PTPRN2: variants seen among roughly 807,000 people sequenced by gnomAD.
The protein encoded by PTPRN2 is protein tyrosine phosphatase receptor type N2.
PTPRN2 carries 74 observed loss-of-function variants against 118.8 expected under a neutral mutation model. The observed-to-expected ratio is 0.62, with a 90% CI of 0.52 to 0.76. The LOEUF (loss-of-function observed/expected upper bound fraction) is 0.76, where lower values mean the gene tolerates loss of function less well. PTPRN2 is among the 30% of genes least tolerant of loss of function. The pLI, the probability that PTPRN2 is intolerant of heterozygous loss-of-function variation, is 0.00. For synonymous variants in PTPRN2, 641 were observed against 608.0 expected, an observed-to-expected ratio of 1.05 and a Z score of -0.80; for missense variants, 1,481 against 1,394.4, an observed-to-expected ratio of 1.06 and a Z score of -0.99.
chr7:157,653,587 C>T (rs1301995879), intron 14 of PTPRN2, among the ~76,000 whole-genome samples: 1 of 152,128 alleles, frequency 6.6e-6, no homozygotes, highest in Non-Finnish European at 1.5e-5. Flanking sequence ...AAGAGGTCTA[C>T]CTGGAGCTCA....
chr7:157,883,374 A>T (rs935062282), intron 12 of PTPRN2, among the ~76,000 whole-genome samples: 1 of 149,368 alleles, frequency 6.7e-6, no homozygotes, highest in African/African-American at 2.5e-5. Flanking sequence ...CCCAAAAATG[A>T]CTGTTGGAGA....
At chr7:157,772,444 G>T (rs925701586) in intron 12 of PTPRN2, among the ~76,000 whole-genome samples, 1 of 152,170 alleles carries the variant, frequency 6.6e-6, no homozygotes, top group Non-Finnish European at 1.5e-5. Context: ...GCCCTGGCCC[G>T]CAGACCATGG....
chr7:157,579,386 C>G (rs1042067416), intron 17 of PTPRN2, among the ~76,000 whole-genome samples: 14 of 152,192 alleles, frequency 9.2e-5, no homozygotes, highest in Admixed American at 7.9e-4. Context: ...ATGTTTCTTA[C>G]GCCAGGCTTT....
chr7:158,189,551 G>A (rs918357257), intron 5 of PTPRN2, among the ~76,000 whole-genome samples: 1 of 152,184 alleles, frequency 6.6e-6, no homozygotes, highest in Non-Finnish European at 1.5e-5. Flanking sequence ...AGGTGAGCAC[G>A]CCACTGTCAA....
Position 157,576,601 on chromosome 7 carries a change from C to T in PTPRN2, c.2783+12G>A, listed in dbSNP as rs114668941. The T allele has an allele frequency of 1.4e-3, 2,200 of 1,600,622 alleles. 19 individuals are homozygous for T. In the African/African-American group the frequency reaches 0.026, roughly 19 times the overall value. On this transcript the variant is annotated intron_variant, in intron 19 of 22. Coordinates refer to ENST00000389418, the MANE Select transcript of PTPRN2 (RefSeq NM_002847.5). ...AGCGCGCACTGCCCTGCCGGCGGGC[C>T]GCGCGTCATACCTGCGGAAGTCCAG...
intron 2 of PTPRN2, among the ~76,000 whole-genome samples, chr7:158,341,427 C>G (rs372577557): frequency 1.5e-5 from 1 of 68,714 alleles, no homozygotes; most frequent in African/African-American, 5.3e-5. Context: ...TCACTCACAC[C>G]CACACTCTCA....
At chr7:157,572,700 T>C (rs1444846357) in intron 19 of PTPRN2, among the ~76,000 whole-genome samples, 1 of 152,180 alleles carries the variant, frequency 6.6e-6, no homozygotes, top group Non-Finnish European at 1.5e-5. Context: ...CCACGGGAGC[T>C]GAAGGAGCAG....
chr7:158,143,729 G>A (rs931406745), intron 6 of PTPRN2, among the ~76,000 whole-genome samples: 1 of 152,176 alleles, frequency 6.6e-6, no homozygotes, highest in Non-Finnish European at 1.5e-5. Flanking sequence ...TATTTCTGAT[G>A]TCACGATTCG....
At chr7:158,273,744 G>A (rs1456471463) in intron 3 of PTPRN2, among the ~76,000 whole-genome samples, 1 of 137,498 alleles carries the variant, frequency 7.3e-6, no homozygotes, top group Non-Finnish European at 1.6e-5. Context: ...AGGAGCCGCA[G>A]ACACAGGGGG....
At chr7:158,486,076 A>G (rs1489772568) in intron 2 of PTPRN2, among the ~76,000 whole-genome samples, 1 of 152,252 alleles carries the variant, frequency 6.6e-6, no homozygotes, top group Non-Finnish European at 1.5e-5. Context: ...TAATACAAAC[A>G]CCACTGCAGA....
At chr7:158,431,924 G>A (rs1412691503) in intron 2 of PTPRN2, among the ~76,000 whole-genome samples, 1 of 152,230 alleles carries the variant, frequency 6.6e-6, no homozygotes, top group Non-Finnish European at 1.5e-5. Context: ...TCTCTGACCT[G>A]CCTGCTGGAC....
chr7:157,735,459 C>T (rs1563054425), intron 12 of PTPRN2, among the ~76,000 whole-genome samples: 1 of 152,198 alleles, frequency 6.6e-6, no homozygotes, highest in East Asian at 1.9e-4. Flanking sequence ...CCACACTCAA[C>T]TGTGTGCAGC....
At chr7:158,308,734 A>C (rs1013561835) in intron 3 of PTPRN2, among the ~76,000 whole-genome samples, 1 of 152,160 alleles carries the variant, frequency 6.6e-6, no homozygotes, top group Non-Finnish European at 1.5e-5. Flanking sequence ...AAATAATATT[A>C]ATCTTCTAGC....
chr7:158,008,500 C>T (rs543241294), intron 11 of PTPRN2, among the ~76,000 whole-genome samples: 1 of 152,340 alleles, frequency 6.6e-6, no homozygotes, highest in South Asian at 2.1e-4. Flanking sequence ...GGCGGAAACA[C>T]CCTCAGGTGC....
chr7:157,552,680 A>G (rs1293691743), intron 21 of PTPRN2, among the ~76,000 whole-genome samples: 1 of 152,200 alleles, frequency 6.6e-6, no homozygotes, highest in Non-Finnish European at 1.5e-5. Flanking sequence ...CTTTTAAGAA[A>G]TTTTCCCAAA....
At chr7:158,307,779 G>A (rs1207880052) in intron 3 of PTPRN2, among the ~76,000 whole-genome samples, 1 of 152,206 alleles carries the variant, frequency 6.6e-6, no homozygotes, top group Admixed American at 6.5e-5. Context: ...GGAGTATCAG[G>A]AGGGAGGAGG....
intron 2 of PTPRN2, among the ~76,000 whole-genome samples, chr7:158,337,388 G>GCT (rs1805842667): frequency 1.9e-5 from 2 of 105,330 alleles, no homozygotes; most frequent in African/African-American, 3.3e-5. Flanking sequence ...CACCATAAGA[G>GCT]GTAACACCTG....
chr7:157,969,179 A>G (rs1307502893), intron 11 of PTPRN2, among the ~76,000 whole-genome samples: 2 of 151,636 alleles, frequency 1.3e-5, no homozygotes, highest in African/African-American at 2.4e-5. Context: ...GTACAACCAT[A>G]GCTCACTGCA....
intron 12 of PTPRN2, among the ~76,000 whole-genome samples, chr7:157,771,216 G>A (rs571387640): frequency 1.6e-3 from 238 of 152,282 alleles, no homozygotes; most frequent in Non-Finnish European, 2.5e-3. Flanking sequence ...TCTTTGGGGC[G>A]AGCCCTCCAG....
Sources: allele counts gnomAD v4.1 joint callset (sites outside exome capture counted in the v4.1 genomes callset), GRCh38; gene constraint gnomAD v4.1.1; transcripts MANE v1.5; gene names NCBI Gene and HGNC (gene_info 2026-07-23, HGNC 2026-07-21).